PCDH11X: variants seen among roughly 807,000 people sequenced by gnomAD.
PCDH11X encodes protocadherin 11 X-linked.
PCDH11X carries 18 observed loss-of-function variants against 53.3 expected under a neutral mutation model. The ratio of observed to expected loss-of-function variants is 0.34; its 90% CI spans 0.23 to 0.50. PCDH11X has a LOEUF of 0.50. PCDH11X is among the 20% of genes least tolerant of loss of function. PCDH11X has a pLI of 0.98. For synonymous variants in PCDH11X, 279 were observed against 393.3 expected, an observed-to-expected ratio of 0.71 and a Z score of 3.44; for missense variants, 570 against 1,032.4, an observed-to-expected ratio of 0.55 and a Z score of 6.14.
At chrX:92,225,107 G>A (rs2066946234) in intron 7 of PCDH11X, among the ~76,000 whole-genome samples, 1 of 111,652 alleles carries the variant, frequency 9.0e-6, no homozygotes, top group South Asian at 3.7e-4. Context: ...TTTACAACAT[G>A]TCAAATACAC....
At position 91,921,499 on chromosome X, in the gene PCDH11X, T is replaced by TGATA. The variant is rs762816095; in HGVS notation, c.3033+42227_3033+42230dup. Among the ~76,000 whole-genome samples the TGATA allele has an allele frequency of 2.6e-3, 279 of 107,329 alleles. 1 individual carries two copies. Among genetic ancestry groups the TGATA allele is most frequent in the African/African-American group, 8.9e-3 (264 of 29,530 alleles). 93.2% of individuals were successfully genotyped at this position (107,329 alleles called of 115,157 possible). The stretch of plus-strand genomic sequence containing the variant: ...CTATTCCACAACCCCTGGCAACCAC[T>TGATA]GATATTTCTACTGTCTCCATAGTTT... On this transcript the variant is annotated intron_variant, in intron 6 of 10. Transcript: ENST00000682573.
intron 6 of PCDH11X, among the ~76,000 whole-genome samples, chrX:92,051,691 T>A (rs1357584797): frequency 9.0e-6 from 1 of 111,660 alleles, no homozygotes; most frequent in Non-Finnish European, 1.9e-5. Flanking sequence ...CTTCAAAGAA[T>A]CAAATGGGTG....
At chrX:92,014,367 T>G (rs2062751531) in intron 6 of PCDH11X, among the ~76,000 whole-genome samples, 1 of 110,619 alleles carries the variant, frequency 9.0e-6, no homozygotes, top group South Asian at 3.9e-4. Flanking sequence ...ATGGCAATCA[T>G]TAAAAAGTCA....
intron 6 of PCDH11X, among the ~76,000 whole-genome samples, chrX:92,157,177 G>A (rs1035043571): frequency 5.4e-5 from 6 of 111,621 alleles, no homozygotes; most frequent in Non-Finnish European, 1.1e-4. Context: ...ATACACTAAG[G>A]CATCTTCCTG....
chrX:92,568,529 A>G (rs981525503), intron 10 of PCDH11X, among the ~76,000 whole-genome samples: 21 of 109,514 alleles, frequency 1.9e-4, no homozygotes, highest in African/African-American at 6.7e-4. Flanking sequence ...ACCACGCACA[A>G]TAAAAGAAAT....
intron 6 of PCDH11X, among the ~76,000 whole-genome samples, chrX:92,177,955 C>T (rs761592341): frequency 7.0e-4 from 77 of 110,466 alleles, no homozygotes; most frequent in African/African-American, 2.5e-3. Flanking sequence ...GCTTTGATTT[C>T]CAGCCACCAT....
intron 10 of PCDH11X, among the ~76,000 whole-genome samples, chrX:92,521,619 T>G (rs1268301396): frequency 8.9e-6 from 1 of 111,976 alleles, no homozygotes; most frequent in Non-Finnish European, 1.9e-5. Context: ...AACAAGGGAC[T>G]CAGCCTGTCC....
chrX:92,293,266 A>C (rs1419458702), intron 8 of PCDH11X, among the ~76,000 whole-genome samples: 1 of 111,141 alleles, frequency 9.0e-6, no homozygotes, highest in Non-Finnish European at 1.9e-5. Context: ...AAGTAAAATT[A>C]AAAGCAACAC....
At chrX:91,907,771 T>C (rs940800048) in intron 6 of PCDH11X, among the ~76,000 whole-genome samples, 24 of 109,809 alleles carry the variant, frequency 2.2e-4, no homozygotes, top group Admixed American at 5.9e-4. Flanking sequence ...TTTCTGGTCC[T>C]CTCCCTCTTC....
At chrX:92,193,726 A>C (rs775347569) in intron 6 of PCDH11X, among the ~76,000 whole-genome samples, 1 of 111,153 alleles carries the variant, frequency 9.0e-6, no homozygotes, top group African/African-American at 3.2e-5. Context: ...TGTGTGATAA[A>C]CCCATGAATT....
At chrX:92,012,923 C>T (rs1007115354) in intron 6 of PCDH11X, among the ~76,000 whole-genome samples, 1 of 111,607 alleles carries the variant, frequency 9.0e-6, no homozygotes, top group Non-Finnish European at 1.9e-5. Flanking sequence ...CAGCCAATAT[C>T]ATACTGAATG....
At chrX:92,493,951 C>T (rs1168739785) in intron 10 of PCDH11X, among the ~76,000 whole-genome samples, 1 of 109,806 alleles carries the variant, frequency 9.1e-6, no homozygotes, top group African/African-American at 3.3e-5. Context: ...CCGGCTGCTC[C>T]GTTAATTTTT....
chrX:92,180,274 A>C (rs1011880867), intron 6 of PCDH11X, among the ~76,000 whole-genome samples: 6 of 111,152 alleles, frequency 5.4e-5, no homozygotes, highest in African/African-American at 2.0e-4. Flanking sequence ...CCCATGGTTC[A>C]ACCACCTCCC....
chrX:91,815,064 C>T (rs1936411181), intron 4 of PCDH11X, among the ~76,000 whole-genome samples: 1 of 110,710 alleles, frequency 9.0e-6, no homozygotes, highest in Admixed American at 9.6e-5. Context: ...ATTGTTAACC[C>T]TGTTTTACAC....
chrX:92,076,734 A>G (rs1476512632), intron 6 of PCDH11X, among the ~76,000 whole-genome samples: 1 of 112,162 alleles, frequency 8.9e-6, no homozygotes, highest in Non-Finnish European at 1.9e-5. Context: ...CAGTTAACAC[A>G]ATATTCTGAG....
chrX:92,007,421 A>G (rs1461199022), intron 6 of PCDH11X, among the ~76,000 whole-genome samples: 1 of 111,306 alleles, frequency 9.0e-6, no homozygotes. Flanking sequence ...CTGCCAGACT[A>G]CCACCAATAC....
intron 8 of PCDH11X, among the ~76,000 whole-genome samples, chrX:92,371,778 A>C (rs1392229560): frequency 9.3e-6 from 1 of 107,951 alleles, no homozygotes; most frequent in Admixed American, 1.0e-4. Context: ...TGGGAATAGC[A>C]GTGCCACTTG....
intron 10 of PCDH11X, among the ~76,000 whole-genome samples, chrX:92,557,724 C>T (rs1284967261): frequency 9.2e-6 from 1 of 109,183 alleles, no homozygotes; most frequent in East Asian, 2.9e-4. Flanking sequence ...TGCCTGTTAC[C>T]CAGTTCCAAA....
At chrX:91,883,491 T>C (rs1204374468) in intron 6 of PCDH11X, 3 of 752,750 alleles carry the variant, frequency 4.0e-6, no homozygotes, top group Non-Finnish European at 4.7e-6. Context: ...AAAATCATTT[T>C]TATTACCCAC....
Sources: gnomAD v4.1 joint callset for allele counts (sites outside exome capture counted in the v4.1 genomes callset) on GRCh38, gnomAD v4.1.1 for gene constraint, MANE v1.5 for transcripts, NCBI Gene and HGNC (gene_info 2026-07-23, HGNC 2026-07-21) for gene names.